CNTN4: variants seen among roughly 807,000 people sequenced by gnomAD.
CNTN4 encodes contactin-4.
In CNTN4, 77 loss-of-function variants were observed where a neutral mutation model predicts 122.5. The ratio of observed to expected loss-of-function variants is 0.63; its 90% CI spans 0.52 to 0.76. The LOEUF (loss-of-function observed/expected upper bound fraction) is 0.76, where lower values mean the gene tolerates loss of function less well. Among genes scored for constraint, CNTN4 ranks in the 30% least tolerant of loss-of-function variants. The pLI is 0.00. For missense variants in CNTN4, 1,256 were observed against 1,259.1 expected (o/e 1.00, Z 0.04); for synonymous variants, 512 against 447.0 (o/e 1.15, Z -1.83).
chr3:2,340,737 A>AGAGAGAGAGAGG lies in CNTN4; in HGVS notation c.-89+1507_-89+1508insAGAGAGAGGGAG, dbSNP rs1168402469. The stretch of plus-strand genomic sequence containing the variant: ...GAGAGAGAGAGAGAGAGAGAGAGAG[A>AGAGAGAGAGAGG]GAGTCAGAAATTTATTTCACTTGAT... On this transcript the variant is annotated intron_variant, in intron 3 of 24. Coordinates refer to ENST00000418658, the MANE Select transcript of CNTN4 (RefSeq NM_175607.3). 2.9e-3 allele frequency among the ~76,000 whole-genome samples: 392 copies of AGAGAGAGAGAGG among 133,196 alleles called. 4 individuals carry two copies. The highest frequency in any genetic ancestry group is 0.01 in the African/African-American group (378 of 36,870). 87.4% of individuals were successfully genotyped at this position (133,196 alleles called of 152,430 possible).
chr3:2,397,809 T>G (rs922383709), intron 3 of CNTN4, among the ~76,000 whole-genome samples: 1 of 152,204 alleles, frequency 6.6e-6, no homozygotes, highest in Non-Finnish European at 1.5e-5. Flanking sequence ...CTCTGCAAAC[T>G]TTCATATTAT....
In CNTN4 at chr3:2,357,062, G is replaced by C. The variant is rs9882559; in HGVS notation, c.-89+17829G>C. Among the ~76,000 whole-genome samples, 204 of 152,138 alleles carry C rather than the reference G, an allele frequency of 1.3e-3. 1 individual carries two copies. The highest frequency in any genetic ancestry group is 4.8e-3 in the African/African-American group (201 of 41,472). On this transcript the variant is annotated intron_variant, in intron 3 of 24. Transcript: ENST00000418658. ...ACCAGTACTTCTCAAACTTAAAAGC[G>C]CTTACAGACCACTTAGGAATCCTGT...
At chr3:2,659,451 A>G (rs2083763785) in intron 4 of CNTN4, among the ~76,000 whole-genome samples, 1 of 135,736 alleles carries the variant, frequency 7.4e-6, no homozygotes, top group African/African-American at 2.8e-5. Flanking sequence ...GACAGAGGAG[A>G]CTCCATCTCA....
At chr3:2,678,511 G>A (rs540166081) in intron 4 of CNTN4, among the ~76,000 whole-genome samples, 1 of 152,268 alleles carries the variant, frequency 6.6e-6, no homozygotes, top group African/African-American at 2.4e-5. Flanking sequence ...CTATGGCGGT[G>A]AAAGCAATGG....
chr3:2,454,934 C>A (rs1220770168), intron 3 of CNTN4, among the ~76,000 whole-genome samples: 1 of 152,004 alleles, frequency 6.6e-6, no homozygotes, highest in Non-Finnish European at 1.5e-5. Context: ...TCATAATAAG[C>A]GTTTTGGAAG....
Position 3,042,394 on chromosome 3 carries a change from A to G in CNTN4, c.2483A>G (p.Lys828Arg). Residue 828 changes from lysine to arginine, a missense_variant, in exon 21 of 25, where the codon AAG becomes AGG. Coordinates refer to ENST00000418658, the MANE Select transcript of CNTN4 (RefSeq NM_175607.3). ...IEVFWASPLE[K>R]NRGRIQGYEV... is the part of the protein sequence containing the mutation. ...GTTTTCTGGGCCTCCCCACTGGAGA[A>G]GAATAGAGGACGAATACAAGGTTAT... is the stretch of plus-strand genomic sequence containing the variant. 1 of 1,613,340 alleles carries G rather than the reference A, an allele frequency of 6.2e-7. No homozygotes were observed. The highest frequency in any genetic ancestry group is 1.1e-5 in the South Asian group (1 of 91,062).
chr3:2,394,150 C>T lies in CNTN4; in HGVS notation c.-89+54917C>T, dbSNP rs576939233. 4.7e-5 allele frequency among the ~76,000 whole-genome samples: 7 copies of T among 149,128 alleles called. No homozygotes were observed. In the South Asian group the frequency reaches 1.3e-3, roughly 27 times the overall value. On this transcript the variant is annotated intron_variant, in intron 3 of 24. Coordinates refer to ENST00000418658, the MANE Select transcript of CNTN4 (RefSeq NM_175607.3). ...ATGAACATGAATTTGCAGAGTGTGT[C>T]GTTTAAAAAGGAAGTTGTTTTTTTT... is the stretch of plus-strand genomic sequence containing the variant.
At chr3:3,043,904 T>C (rs1700384727) in intron 23 of CNTN4, among the ~76,000 whole-genome samples, 200 bp downstream of exon 23, 1 of 152,202 alleles carries the variant, frequency 6.6e-6, no homozygotes, top group Admixed American at 6.5e-5. Flanking sequence ...ACAATCACCT[T>C]AACTTTAGTC....
intron 3 of CNTN4, among the ~76,000 whole-genome samples, chr3:2,544,506 A>C (rs988388181): frequency 6.6e-6 from 1 of 151,930 alleles, no homozygotes; most frequent in African/African-American, 2.4e-5. Flanking sequence ...ATTTTAATTA[A>C]ATAAAAACAA....
At chr3:2,878,298 T>C (rs2093868478) in intron 8 of CNTN4, among the ~76,000 whole-genome samples, 2 of 152,208 alleles carry the variant, frequency 1.3e-5, no homozygotes, top group Non-Finnish European at 2.9e-5. Context: ...TGAGTGAACT[T>C]GTACTAGAAG....
At chr3:2,199,255 C>T (rs570656255) in intron 2 of CNTN4, among the ~76,000 whole-genome samples, 67 of 152,144 alleles carry the variant, frequency 4.4e-4, no homozygotes, top group African/African-American at 1.5e-3. Context: ...GTGACTCCAC[C>T]CTCTACTTCC....
chr3:2,627,965 A>G (rs1238935766), intron 4 of CNTN4, among the ~76,000 whole-genome samples: 1 of 152,198 alleles, frequency 6.6e-6, no homozygotes, highest in Non-Finnish European at 1.5e-5. Context: ...GTTTTCTGCC[A>G]TTGTTGAATT....
At chr3:2,198,899 G>A (rs999420848) in intron 2 of CNTN4, among the ~76,000 whole-genome samples, 2 of 152,088 alleles carry the variant, frequency 1.3e-5, no homozygotes, top group Non-Finnish European at 1.5e-5. Flanking sequence ...TATACCAGCC[G>A]AGGGCCACAT....
intron 13 of CNTN4, among the ~76,000 whole-genome samples, chr3:2,974,475 C>G (rs1375554811): frequency 6.6e-6 from 1 of 152,144 alleles, no homozygotes; most frequent in Non-Finnish European, 1.5e-5. Flanking sequence ...CTATGAAATT[C>G]AGGTGCTTGT....
intron 2 of CNTN4, among the ~76,000 whole-genome samples, chr3:2,112,401 G>C (rs1042383669): frequency 6.6e-6 from 1 of 152,128 alleles, no homozygotes; most frequent in African/African-American, 2.4e-5. Context: ...TCACTTTATA[G>C]GTGCTTTGAA....
chr3:2,241,678 C>A (rs958927778), intron 2 of CNTN4, among the ~76,000 whole-genome samples: 1 of 152,200 alleles, frequency 6.6e-6, no homozygotes, highest in African/African-American at 2.4e-5. Flanking sequence ...TGTGACCAAA[C>A]ACATTCTCTC....
intron 13 of CNTN4, among the ~76,000 whole-genome samples, chr3:2,977,703 C>T (rs559498965): frequency 1.3e-5 from 2 of 152,222 alleles, no homozygotes; most frequent in East Asian, 1.9e-4. Flanking sequence ...GTCTAACAGC[C>T]CTGGGGGGTT....
At chr3:2,805,084 C>T (rs1294368889) in intron 6 of CNTN4, among the ~76,000 whole-genome samples, 3 of 151,872 alleles carry the variant, frequency 2.0e-5, no homozygotes, top group East Asian at 1.9e-4. Flanking sequence ...GGCTGAGGCA[C>T]GAGAATCGCT....
chr3:2,318,969 G>A (rs145167250), intron 2 of CNTN4, among the ~76,000 whole-genome samples: 1 of 152,172 alleles, frequency 6.6e-6, no homozygotes, highest in African/African-American at 2.4e-5. Flanking sequence ...ATAGATGTGA[G>A]TCACTGCACC....
Sources: gnomAD v4.1 joint callset for allele counts (sites outside exome capture counted in the v4.1 genomes callset) on GRCh38, gnomAD v4.1.1 for gene constraint, MANE v1.5 for transcripts, NCBI Gene and HGNC (gene_info 2026-07-23, HGNC 2026-07-21) for gene names.